Variants in NDUFA10 observed in about 807,000 individuals in gnomAD.
NDUFA10 encodes NADH dehydrogenase [ubiquinone] 1 alpha subcomplex subunit 10, mitochondrial.
Under a neutral mutation model 47.8 loss-of-function variants are expected in NDUFA10, and 40 were observed. The observed-to-expected ratio is 0.84, with a 90% CI of 0.65 to 1.09. The LOEUF (loss-of-function observed/expected upper bound fraction) is 1.09, where lower values mean the gene tolerates loss of function less well. Among genes scored for constraint, NDUFA10 ranks in the 50% least tolerant of loss-of-function variants. The pLI is 0.00. For synonymous variants in NDUFA10, 183 were observed against 172.2 expected (o/e 1.06, Z -0.49); for missense variants, 413 against 451.1 (o/e 0.92, Z 0.76).
At chr2:240,020,915 T>C (rs1271801451) in intron 3 of NDUFA10, among the ~76,000 whole-genome samples, 2 of 152,342 alleles carry the variant, frequency 1.3e-5, no homozygotes, top group East Asian at 3.9e-4. Flanking sequence ...TTGACACATT[T>C]CATATATAAA....
intron 4 of NDUFA10, among the ~76,000 whole-genome samples, chr2:239,932,709 A>G (rs1694196222): frequency 6.6e-6 from 1 of 151,918 alleles, no homozygotes; most frequent in Non-Finnish European, 1.5e-5. Flanking sequence ...CCTCCCGAGT[A>G]GCTGGGACTA....
At chr2:239,983,164 G>A (rs146131756) in intron 9 of NDUFA10, among the ~76,000 whole-genome samples, 220 of 152,246 alleles carry the variant, frequency 1.4e-3, no homozygotes, top group African/African-American at 5.0e-3. Flanking sequence ...GGGGACTACC[G>A]GAGGGGAGGG....
At position 240,014,662 on chromosome 2, in the gene NDUFA10, G is replaced by A. The variant is rs11693245; in HGVS notation, c.669+77C>T. The A allele has an allele frequency of 0.15, 237,683 of 1,591,564 alleles. 18,879 individuals carry two copies. Among genetic ancestry groups the A allele is most frequent in the South Asian group, 0.16 (14,466 of 90,568 alleles). On this transcript the variant is annotated intron_variant, in intron 5 of 9. Transcript: ENST00000252711. ...AGGACTGGTAGGAATTAGTATAAATGCTATTAAAACAGGGCTTTTAGTGCT... is the reference window on the plus strand; with the variant it reads ...AGGACTGGTAGGAATTAGTATAAATACTATTAAAACAGGGCTTTTAGTGCT...
At chr2:239,914,877 TCACA>T (rs146164793) in intron 4 of NDUFA10, among the ~76,000 whole-genome samples, 56,738 of 115,388 alleles carry the variant, frequency 0.49, 11,559 homozygotes, top group Middle Eastern at 0.54. Context: ...ACAGAGATAC[TCACA>T]CAAACATACA....
chr2:239,902,742 G>T (rs146046814), intron 4 of NDUFA10, among the ~76,000 whole-genome samples: 42 of 152,230 alleles, frequency 2.8e-4, no homozygotes, highest in African/African-American at 1.0e-3. Context: ...TTAGGCAAAG[G>T]TAATTTGGTG....
Position 239,960,207 on chromosome 2 carries a change from A to G in NDUFA10, c.*911T>C, listed in dbSNP as rs1394673339. 1.0e-6 allele frequency: 1 copy of G among 984,648 alleles called. No homozygotes were observed. Among genetic ancestry groups the G allele is most frequent in the Admixed American group, 6.2e-5 (1 of 16,232 alleles). 61.0% of individuals were successfully genotyped at this position (984,648 alleles called of 1,614,324 possible). ...GACACAGTGGAGCTTTACAGTGGAA[A>G]ACCCACAGTTCAGTAGGACTCACAA... On this transcript the variant is annotated 3_prime_UTR_variant, in exon 10 of 10. Coordinates refer to ENST00000252711, the MANE Select transcript of NDUFA10 (RefSeq NM_004544.4).
chr2:239,929,594 G>A (rs373549320), intron 4 of NDUFA10, among the ~76,000 whole-genome samples: 2 of 151,348 alleles, frequency 1.3e-5, no homozygotes, highest in African/African-American at 2.4e-5. Flanking sequence ...CTGCTCCTCC[G>A]CCGGCCCTGC....
In NDUFA10 at chr2:240,007,194, A is replaced by G. The variant is rs114466901; in HGVS notation, c.804+122T>C. ...GATGGGTTTGACTGGCACTGCTTTCAGGTGATAAAACAGTGATGTTTGTTA... is the reference window on the plus strand; with the variant it reads ...GATGGGTTTGACTGGCACTGCTTTCGGGTGATAAAACAGTGATGTTTGTTA... On this transcript the variant is annotated intron_variant, in intron 7 of 9. Transcript: ENST00000252711. The G allele has an allele frequency of 2.8e-3, 2,122 of 765,724 alleles. 26 individuals are homozygous for G. The African/African-American group carries it at 0.031, about 11-fold the overall frequency. 47.4% of individuals were successfully genotyped at this position (765,724 alleles called of 1,614,324 possible). A position where few individuals can be genotyped will look rare whatever the true frequency, so the allele number is the denominator to read the frequency against.
chr2:239,969,591 G>A, intron 9 of NDUFA10: 1 of 466,322 alleles, frequency 2.1e-6, no homozygotes, highest in African/African-American at 2.0e-5. Flanking sequence ...ACACTCATCA[G>A]CCTGGCCAAA....
chr2:239,915,715 A>T (rs1693855267), intron 4 of NDUFA10, among the ~76,000 whole-genome samples: 1 of 151,934 alleles, frequency 6.6e-6, no homozygotes, highest in Non-Finnish European at 1.5e-5. Flanking sequence ...ACAGACATAC[A>T]CAAATATACA....
At chr2:239,915,181 CAG>C in intron 4 of NDUFA10, among the ~76,000 whole-genome samples, 2 of 145,378 alleles carry the variant, frequency 1.4e-5, no homozygotes, top group African/African-American at 5.2e-5. Context: ...CATACACACA[CAG>C]AACACACACG....
chr2:239,949,083 C>A (rs1165610854), intron 4 of NDUFA10, among the ~76,000 whole-genome samples: 3 of 152,210 alleles, frequency 2.0e-5, no homozygotes, highest in Non-Finnish European at 4.4e-5. Flanking sequence ...ACACATGTCC[C>A]TCTTTGGGAC....
At chr2:239,913,031 G>A (rs1000624279) in intron 4 of NDUFA10, among the ~76,000 whole-genome samples, 1 of 151,494 alleles carries the variant, frequency 6.6e-6, no homozygotes, top group African/African-American at 2.4e-5. Context: ...CAAAGCTCTG[G>A]CAAGGGGAGG....
chr2:240,005,411 C>G (rs1327491699), intron 7 of NDUFA10, 116 bp from the exon 8 acceptor site: 2 of 797,656 alleles, frequency 2.5e-6, no homozygotes, highest in Non-Finnish European at 4.3e-6. Context: ...AGTAGTGGCA[C>G]AATCACAGCA....
chr2:239,913,639 G>A (rs796710275), intron 4 of NDUFA10, among the ~76,000 whole-genome samples: 12 of 152,342 alleles, frequency 7.9e-5, no homozygotes, highest in African/African-American at 2.9e-4. Context: ...TATGCGTCAG[G>A]CTCACGTCTG....
chr2:239,990,814 A>G (rs1302658195), intron 8 of NDUFA10, among the ~76,000 whole-genome samples: 1 of 152,196 alleles, frequency 6.6e-6, no homozygotes, highest in African/African-American at 2.4e-5. Context: ...AAATATTTAT[A>G]CTTTGTTACA....
At chr2:239,912,386 G>A (rs774900059) in intron 4 of NDUFA10, among the ~76,000 whole-genome samples, 104 of 152,274 alleles carry the variant, frequency 6.8e-4, no homozygotes, top group Non-Finnish European at 1.4e-3. Flanking sequence ...TCCTCCTGCC[G>A]CCCCTGCCAA....
At chr2:239,938,083 A>G (rs750831893) in intron 4 of NDUFA10, among the ~76,000 whole-genome samples, 1 of 152,068 alleles carries the variant, frequency 6.6e-6, no homozygotes, top group Non-Finnish European at 1.5e-5. Context: ...CCTCGGGGAT[A>G]AGAGAAGGGA....
downstream of NDUFA10, among the ~76,000 whole-genome samples, chr2:239,952,844 A>G (rs1694579353): frequency 6.6e-6 from 1 of 152,240 alleles, no homozygotes; most frequent in Non-Finnish European, 1.5e-5. Context: ...CAGCTGCCAG[A>G]AAACGCAAGG....
Sources: allele counts gnomAD v4.1 joint callset (sites outside exome capture counted in the v4.1 genomes callset), GRCh38; gene constraint gnomAD v4.1.1; transcripts MANE v1.5; gene names NCBI Gene and HGNC (gene_info 2026-07-23, HGNC 2026-07-21).